MPDZ: variants seen among roughly 807,000 people sequenced by gnomAD.
The protein encoded by MPDZ is multiple PDZ domain protein.
MPDZ carries 234 observed loss-of-function variants against 239.1 expected under a neutral mutation model. The observed-to-expected ratio is 0.98, with a 90% CI of 0.88 to 1.09. The LOEUF (loss-of-function observed/expected upper bound fraction) is 1.09. MPDZ is among the 50% of genes least tolerant of loss of function. The pLI is 0.00. For missense variants in MPDZ, 3,175 were observed against 2,510.0 expected (o/e 1.26, Z -5.66); for synonymous variants, 1,048 against 881.3 (o/e 1.19, Z -3.35).
chr9:13,181,029 T>C (rs896410713), intron 19 of MPDZ, among the ~76,000 whole-genome samples: 2 of 152,180 alleles, frequency 1.3e-5, no homozygotes, highest in Middle Eastern at 3.4e-3. Flanking sequence ...TCACTTCTGG[T>C]AGTATACCTG....
chr9:13,108,799 T>C (rs1472360722), intron 46 of MPDZ, 137 bp downstream of exon 46: 20 of 790,638 alleles, frequency 2.5e-5, no homozygotes, highest in Non-Finnish European at 3.2e-5. Flanking sequence ...GACCTGTTCC[T>C]GTAGGGAGTT....
chr9:13,146,164 G>A (rs923605969), intron 26 of MPDZ, among the ~76,000 whole-genome samples: 1 of 151,980 alleles, frequency 6.6e-6, no homozygotes, highest in African/African-American at 2.4e-5. Flanking sequence ...ACAACTGAAT[G>A]ATTAAAAATT....
intron 3 of MPDZ, among the ~76,000 whole-genome samples, chr9:13,236,315 T>C (rs112124973): frequency 4.5e-5 from 6 of 133,196 alleles, no homozygotes; most frequent in African/African-American, 1.7e-4. Context: ...TTCACTCTTG[T>C]TGCCCAGGCT....
chr9:13,213,370 G>C (rs1195108170), intron 10 of MPDZ, among the ~76,000 whole-genome samples: 2 of 151,870 alleles, frequency 1.3e-5, no homozygotes, highest in African/African-American at 4.8e-5. Context: ...CTTCAAAATA[G>C]TAAGAAATAA....
At chr9:13,119,380 TG>T in intron 39 of MPDZ, 121 bp downstream of exon 39, 1 of 1,205,724 alleles carries the variant, frequency 8.3e-7, no homozygotes, top group Non-Finnish European at 1.1e-6. Flanking sequence ...CCATTGCACC[TG>T]GCCTTGAGGT....
intron 3 of MPDZ, among the ~76,000 whole-genome samples, chr9:13,232,669 A>C (rs1439880856): frequency 6.6e-6 from 1 of 151,812 alleles, no homozygotes; most frequent in African/African-American, 2.4e-5. Flanking sequence ...ATTTATTTTT[A>C]AAATTTAAAA....
chr9:13,277,201 C>T (rs899829276), intron 1 of MPDZ, among the ~76,000 whole-genome samples: 3 of 152,096 alleles, frequency 2.0e-5, no homozygotes, highest in Non-Finnish European at 4.4e-5. Context: ...AGATCCCTCC[C>T]TTTCCAAGCC....
intron 22 of MPDZ, among the ~76,000 whole-genome samples, chr9:13,166,051 C>G (rs374589717): frequency 3.7e-4 from 57 of 152,188 alleles, no homozygotes; most frequent in African/African-American, 1.3e-3. Context: ...AACTCAACCA[C>G]AGTCTCCTTT....
rs765974862 is a variant in MPDZ at position 13,217,207 on chromosome 9, CAATGGT to C, written c.1168_1173del (p.Thr390_Ile391del). ...AATTTTTTATCTCCAATGTAGCCAGCAATGGTAATTCCTAATCCTTGGACATTTTTA... is the reference window on the plus strand; with the variant it reads ...AATTTTTTATCTCCAATGTAGCCAGCAATTCCTAATCCTTGGACATTTTTA... On this transcript the variant is annotated inframe_deletion, in exon 9 of 47. Coordinates refer to ENST00000319217, the MANE Select transcript of MPDZ (RefSeq NM_001378778.1). 5.6e-6 allele frequency: 9 copies of C among 1,597,312 alleles called. No homozygotes were observed. The South Asian group carries it at 1.0e-4, about 18-fold the overall frequency.
intron 39 of MPDZ, among the ~76,000 whole-genome samples, chr9:13,115,700 C>T (rs974214052): frequency 2.0e-5 from 3 of 152,118 alleles, no homozygotes; most frequent in Non-Finnish European, 4.4e-5. Flanking sequence ...AATCCCACCA[C>T]TTTGGGAGGC....
intron 19 of MPDZ, among the ~76,000 whole-genome samples, chr9:13,179,597 A>G (rs1284010895): frequency 6.6e-6 from 1 of 152,126 alleles, no homozygotes; most frequent in Non-Finnish European, 1.5e-5. Flanking sequence ...TAAAAGAAAA[A>G]CAGTTCTTCC....
chr9:13,110,102 T>C (rs1230949898), intron 44 of MPDZ, 38 bp from the exon 45 acceptor site: 1 of 1,472,772 alleles, frequency 6.8e-7, no homozygotes, highest in South Asian at 1.2e-5. Context: ...AAAACACATG[T>C]TCCTGTGGCT....
At chr9:13,224,640 A>G (rs1332004277) in intron 3 of MPDZ, 57 bp from the exon 4 acceptor site, 7 of 1,155,574 alleles carry the variant, frequency 6.1e-6, no homozygotes, top group Non-Finnish European at 8.6e-6. Context: ...TATTTCATAG[A>G]AAATATCCCA....
chr9:13,277,688 C>T (rs565742011), intron 1 of MPDZ, among the ~76,000 whole-genome samples: 2 of 152,256 alleles, frequency 1.3e-5, no homozygotes, highest in East Asian at 1.9e-4. Context: ...CCCCAGCCTC[C>T]CTAGTATCTG....
At chr9:13,203,203 G>A (rs1956593959) in intron 12 of MPDZ, among the ~76,000 whole-genome samples, 1 of 152,152 alleles carries the variant, frequency 6.6e-6, no homozygotes, top group African/African-American at 2.4e-5. Flanking sequence ...AGTACAGAGA[G>A]AAATAAGTAT....
chr9:13,226,631 C>T (rs949416936), intron 3 of MPDZ, among the ~76,000 whole-genome samples: 28 of 152,208 alleles, frequency 1.8e-4, no homozygotes, highest in African/African-American at 6.5e-4. Flanking sequence ...TAAGACAGCA[C>T]CATTATACTC....
intron 1 of MPDZ, among the ~76,000 whole-genome samples, chr9:13,268,215 A>C (rs1479110744): frequency 2.0e-5 from 3 of 151,722 alleles, no homozygotes; most frequent in African/African-American, 7.3e-5. Context: ...TGGTACTTAT[A>C]ATACATCCCA....
chr9:13,218,055 G>A (rs937259209), intron 8 of MPDZ, among the ~76,000 whole-genome samples: 1 of 151,800 alleles, frequency 6.6e-6, no homozygotes, highest in African/African-American at 2.4e-5. Flanking sequence ...ACCTTAAGAA[G>A]AGCACAAAGA....
chr9:13,169,754 G>C (rs1951546495), intron 21 of MPDZ, among the ~76,000 whole-genome samples: 1 of 152,172 alleles, frequency 6.6e-6, no homozygotes, highest in Non-Finnish European at 1.5e-5. Context: ...AGCACAGTCT[G>C]TAGGACAGGG....
Sources: gnomAD v4.1 joint callset for allele counts (sites outside exome capture counted in the v4.1 genomes callset) on GRCh38, gnomAD v4.1.1 for gene constraint, MANE v1.5 for transcripts, NCBI Gene and HGNC (gene_info 2026-07-23, HGNC 2026-07-21) for gene names.